Variants in GLIPR1L2 observed in about 807,000 individuals in gnomAD.
GLIPR1L2 encodes the protein GLIPR1-like protein 2.
A neutral mutation model predicts 28.4 loss-of-function variants in GLIPR1L2; 21 were observed. The ratio of observed to expected loss-of-function variants is 0.74; its 90% CI spans 0.52 to 1.06. The LOEUF (loss-of-function observed/expected upper bound fraction) is 1.06, where lower values mean the gene tolerates loss of function less well. GLIPR1L2 is among the 50% of genes least tolerant of loss of function. The probability of loss-of-function intolerance (pLI) is 0.00; values close to 1 mark genes in which losing one functional copy is unlikely to be tolerated. For missense variants in GLIPR1L2, 476 were observed against 416.9 expected (o/e 1.14, Z -1.23); for synonymous variants, 145 against 139.3 (o/e 1.04, Z -0.29).
At chr12:75,391,450 C>T in intron 1 of GLIPR1L2, 100 bp downstream of exon 1, 1 of 1,585,628 alleles carries the variant, frequency 6.3e-7, no homozygotes, top group Non-Finnish European at 8.6e-7. Context: ...GCTGAAGGAT[C>T]GCGGAGAACC....
intron 1 of GLIPR1L2, among the ~76,000 whole-genome samples, chr12:75,404,099 A>G (rs1480358287): frequency 2.0e-5 from 3 of 152,180 alleles, no homozygotes; most frequent in African/African-American, 7.2e-5. Flanking sequence ...TGTTAAAAAC[A>G]TAATTCCAAG....
chr12:75,430,431 C>T (rs1429235007), intron 4 of GLIPR1L2, among the ~76,000 whole-genome samples: 4 of 152,066 alleles, frequency 2.6e-5, no homozygotes, highest in Non-Finnish European at 4.4e-5. Context: ...ATTTTAAAGG[C>T]AGAAGTGGAG....
chr12:75,395,248 C>T (rs979736829), intron 1 of GLIPR1L2, among the ~76,000 whole-genome samples: 13 of 151,900 alleles, frequency 8.6e-5, no homozygotes, highest in African/African-American at 2.9e-4. Flanking sequence ...TTTTATATAT[C>T]GAACCATTCC....
intron 1 of GLIPR1L2, among the ~76,000 whole-genome samples, chr12:75,400,074 A>G (rs2139923647): frequency 6.6e-6 from 1 of 152,256 alleles, no homozygotes; most frequent in South Asian, 2.1e-4. Context: ...ATAAAAGAAT[A>G]CCATACACCT....
intron 3 of GLIPR1L2, among the ~76,000 whole-genome samples, chr12:75,414,907 G>C (rs535342173): frequency 2.1e-4 from 32 of 152,142 alleles, no homozygotes; most frequent in African/African-American, 6.7e-4. Context: ...ACACTTTTTA[G>C]TAAGTGAACA....
chr12:75,415,301 G>A (rs932543043), intron 3 of GLIPR1L2, among the ~76,000 whole-genome samples: 1 of 151,958 alleles, frequency 6.6e-6, no homozygotes, highest in Non-Finnish European at 1.5e-5. Flanking sequence ...GTTTTGAAAA[G>A]AACACCTTAA....
chr12:75,427,640 T>G (rs965644530), intron 4 of GLIPR1L2, among the ~76,000 whole-genome samples: 1 of 152,192 alleles, frequency 6.6e-6, no homozygotes, highest in Non-Finnish European at 1.5e-5. Context: ...TCATATTGTT[T>G]AGCTCTGTGT....
At chr12:75,399,660 A>G (rs2045718270) in intron 1 of GLIPR1L2, among the ~76,000 whole-genome samples, 2 of 151,990 alleles carry the variant, frequency 1.3e-5, no homozygotes, top group South Asian at 4.1e-4. Context: ...ATGAGTTGTA[A>G]TTATGTTCCC....
intron 1 of GLIPR1L2, among the ~76,000 whole-genome samples, chr12:75,408,958 A>G (rs1298342817): frequency 6.6e-6 from 1 of 151,978 alleles, no homozygotes; most frequent in Non-Finnish European, 1.5e-5. Context: ...AAGGTCTGAT[A>G]TGTTTATTTT....
chr12:75,397,181 G>A (rs895700652), intron 1 of GLIPR1L2, among the ~76,000 whole-genome samples: 15 of 151,954 alleles, frequency 9.9e-5, no homozygotes, highest in African/African-American at 3.6e-4. Flanking sequence ...CTTTAGAACT[G>A]CTGTTCATTC....
rs915192504 is a variant in GLIPR1L2, at chr12:75,391,190, A to G, written c.74A>G (p.Lys25Arg). The stretch of plus-strand genomic sequence containing the variant: ...CCCCTGGCAGTAGGGGGCGTTTTGA[A>G]GCTGCGGCTCTGTGAGCTGTGGCTA... ...SLPLAVGGVLKLRLCELWLLL... is the reference protein window; with the variant it reads ...SLPLAVGGVLRLRLCELWLLL... The change falls in exon 1 of 6, where the codon AAG becomes AGG. Residue 25 changes from lysine to arginine, a missense_variant. Physicochemically the swap from Lys to Arg is conservative, Grantham distance 26 (BLOSUM62 2). Transcript: ENST00000550916. The G allele has an allele frequency of 7.4e-6, 12 of 1,614,180 alleles. No individual in the cohort carries two copies. Among genetic ancestry groups the G allele is most frequent in the Non-Finnish European group, 1.0e-5 (12 of 1,180,020 alleles).
In GLIPR1L2 at chr12:75,410,481, A is replaced by G; in HGVS notation, c.282A>G (p.Lys94=). ...LSRTARAWGK[K]CLFTHNIYLQ... ...GGACTGCTAGAGCATGGGGAAAAAA[A>G]TGTTTGTTTACGCATAATATTTATT... The change falls in exon 2 of 6, where the codon AAA becomes AAG. Residue 94 remains lysine, a synonymous_variant. Coordinates refer to ENST00000550916, the MANE Select transcript of GLIPR1L2 (RefSeq NM_001270396.2). 1 of 1,609,844 alleles carries G rather than the reference A, an allele frequency of 6.2e-7. No homozygotes were observed. Among genetic ancestry groups the G allele is most frequent in the East Asian group, 2.2e-5 (1 of 44,726 alleles).
intron 1 of GLIPR1L2, 33 bp from the exon 2 acceptor site, chr12:75,410,401 T>C (rs1481972502): frequency 1.4e-6 from 2 of 1,467,744 alleles, no homozygotes; most frequent in East Asian, 2.4e-5. Context: ...AAAAAACTTA[T>C]TTTGTTCTCT....
chr12:75,429,133 A>C (rs116304690), intron 4 of GLIPR1L2, among the ~76,000 whole-genome samples: 1 of 152,190 alleles, frequency 6.6e-6, no homozygotes, highest in Non-Finnish European at 1.5e-5. Flanking sequence ...AACTTGCACT[A>C]TGTGCCTGGA....
rs1213822233 is a variant in GLIPR1L2 at position 75,391,167 on chromosome 12, C to G, written c.51C>G (p.Pro17=). ...GGGAGTGGAGGGCCCAGTCCCTACC[C>G]CTGGCAGTAGGGGGCGTTTTGAAGC... The part of the protein sequence containing the change: ...FAREWRAQSL[P]LAVGGVLKLR... The change falls in exon 1 of 6, where the codon CCC becomes CCG. Residue 17 remains proline, a synonymous_variant. Coordinates refer to ENST00000550916, the MANE Select transcript of GLIPR1L2 (RefSeq NM_001270396.2). The G allele has an allele frequency of 6.2e-7, 1 of 1,614,166 alleles. No individual in the cohort carries two copies. The highest frequency in any genetic ancestry group is 8.5e-7 in the Non-Finnish European group (1 of 1,180,006).
In GLIPR1L2 at chr12:75,393,324, T is replaced by G. The variant is rs77473057; in HGVS notation, c.234+1974T>G. Among the ~76,000 whole-genome samples the G allele has an allele frequency of 1.3e-3, 200 of 152,150 alleles. 1 individual carries two copies. The highest frequency in any genetic ancestry group is 4.7e-3 in the African/African-American group (197 of 41,542). ...TACATTTGCATTGTTGTGCACCCAT[T>G]ACCACCACCTATCTCCAAAATTTTT... On this transcript the variant is annotated intron_variant, in intron 1 of 5. Transcript: ENST00000550916.
At chr12:75,409,681 TAA>T (rs2045842804) in intron 1 of GLIPR1L2, among the ~76,000 whole-genome samples, 1 of 146,976 alleles carries the variant, frequency 6.8e-6, no homozygotes, top group African/African-American at 2.5e-5. Context: ...GATATATATA[TAA>T]GGTATATATC....
chr12:75,412,830 C>G (rs1329529911), intron 2 of GLIPR1L2, among the ~76,000 whole-genome samples: 2 of 152,024 alleles, frequency 1.3e-5, no homozygotes, highest in Non-Finnish European at 2.9e-5. Context: ...TTTGACCCAG[C>G]CATCCCATTA....
intron 1 of GLIPR1L2, chr12:75,391,671 A>G: frequency 1.8e-6 from 1 of 563,298 alleles, no homozygotes; most frequent in Non-Finnish European, 3.0e-6. Flanking sequence ...ATCAGTGCAA[A>G]AATATCAATA....
Sources: allele counts gnomAD v4.1 joint callset (sites outside exome capture counted in the v4.1 genomes callset), GRCh38; gene constraint gnomAD v4.1.1; transcripts MANE v1.5; gene names NCBI Gene and HGNC (gene_info 2026-07-23, HGNC 2026-07-21).